The following CFAP47 variants were observed in gnomAD, a reference collection of about 807,000 sequenced individuals.
CFAP47 encodes the protein cilia and flagella associated protein 47, also known as cilia- and flagella-associated protein 47.
In CFAP47, 29 loss-of-function variants were observed where a neutral mutation model predicts 148.1. The ratio of observed to expected loss-of-function variants is 0.20; its 90% CI spans 0.15 to 0.27. The LOEUF (loss-of-function observed/expected upper bound fraction) is 0.27, where lower values mean the gene tolerates loss of function less well. Among genes scored for constraint, CFAP47 ranks in the 10% least tolerant of loss-of-function variants. CFAP47 has a pLI of 1.00. For missense variants in CFAP47, 1,872 were observed against 1,697.5 expected, an observed-to-expected ratio of 1.10 and a Z score of -1.81; for synonymous variants, 664 against 577.3, an observed-to-expected ratio of 1.15 and a Z score of -2.15.
At chrX:36,334,745 C>G in intron 57 of CFAP47, among the ~76,000 whole-genome samples, 1 of 110,934 alleles carries the variant, frequency 9.0e-6, no homozygotes, top group East Asian at 2.9e-4. Flanking sequence ...CTCACCTCAA[C>G]CCCTCCAGCC....
chrX:36,358,554 T>C (rs1429048399), intron 60 of CFAP47, among the ~76,000 whole-genome samples: 1 of 111,840 alleles, frequency 8.9e-6, no homozygotes, highest in Admixed American at 9.5e-5. Context: ...TTGGGTTCTT[T>C]TATTTAGTAT....
chrX:36,326,137 A>G (rs1196809776), intron 57 of CFAP47, among the ~76,000 whole-genome samples: 3 of 111,437 alleles, frequency 2.7e-5, no homozygotes, highest in Non-Finnish European at 5.7e-5. Flanking sequence ...TATTCTATTC[A>G]TCTATCCTTG....
At chrX:36,175,988 G>A (rs1048384208) in intron 39 of CFAP47, among the ~76,000 whole-genome samples, 27 of 112,528 alleles carry the variant, frequency 2.4e-4, no homozygotes, top group Non-Finnish European at 3.8e-4. Context: ...CCAGGTGCGG[G>A]ATATAATCTC....
At chrX:36,173,823 G>A (rs937392685) in intron 39 of CFAP47, among the ~76,000 whole-genome samples, 2 of 111,622 alleles carry the variant, frequency 1.8e-5, no homozygotes, top group Non-Finnish European at 3.8e-5. Context: ...GGTCCACTTG[G>A]TGCAGAGCTG....
At chrX:36,227,715 G>A (rs1555991734) in intron 45 of CFAP47, among the ~76,000 whole-genome samples, 1 of 112,131 alleles carries the variant, frequency 8.9e-6, no homozygotes, top group African/African-American at 3.2e-5. Context: ...TGGTTTCAGA[G>A]AACTTCCTTG....
chrX:36,005,123 T>G (rs1936966530), intron 21 of CFAP47, among the ~76,000 whole-genome samples: 1 of 111,346 alleles, frequency 9.0e-6, no homozygotes, highest in South Asian at 3.7e-4. Context: ...AAGTTTTGTC[T>G]GTTTTGATAT....
intron 33 of CFAP47, among the ~76,000 whole-genome samples, chrX:36,124,310 T>A (rs1207307174): frequency 9.0e-6 from 1 of 111,545 alleles, no homozygotes; most frequent in East Asian, 2.8e-4. Flanking sequence ...CCAAGTCTTC[T>A]GGCTCTGAGT....
At position 36,014,886 on chromosome X, in the gene CFAP47, T is replaced by C. The variant is rs1937079839; in HGVS notation, c.3530T>C (p.Ile1177Thr). 3.4e-6 allele frequency: 1 copy of C among 293,559 alleles called. No individual in the cohort carries two copies. The highest frequency in any genetic ancestry group is 5.9e-6 in the Non-Finnish European group (1 of 168,402). 24.2% of individuals were successfully genotyped at this position (293,559 alleles called of 1,213,427 possible). Residue 1177 changes from isoleucine (I) to threonine (T), a missense_variant, in exon 22 of 64, where the codon ATC becomes ACC. By Grantham distance (89) the Ile-to-Thr change is moderately conservative (BLOSUM62 -1). Coordinates refer to ENST00000378653, the MANE Select transcript of CFAP47 (RefSeq NM_001304548.2). Reference protein sequence around the residue: ...SPSNPKTVPLIRPCYVQATAL... With the variant: ...SPSNPKTVPLTRPCYVQATAL... Reference sequence around the variant, plus strand: ...TCGAATCCAAAAACAGTACCACTTATCCGACCATGTTACGTTCAAGCTACT... The same window carrying C: ...TCGAATCCAAAAACAGTACCACTTACCCGACCATGTTACGTTCAAGCTACT...
intron 50 of CFAP47, among the ~76,000 whole-genome samples, chrX:36,281,199 G>A (rs1941075660): frequency 8.9e-6 from 1 of 111,979 alleles, no homozygotes; most frequent in African/African-American, 3.2e-5. Flanking sequence ...GGGATGCAAG[G>A]CCTTAGTAAA....
chrX:35,954,410 G>A (rs1401353941), intron 7 of CFAP47, among the ~76,000 whole-genome samples: 1 of 111,215 alleles, frequency 9.0e-6, no homozygotes, highest in East Asian at 2.8e-4. Context: ...TGCAAATCGA[G>A]TGTGTCAGTA....
Position 36,053,108 on chromosome X carries a change from A to G in CFAP47, c.4217+6045A>G, listed in dbSNP as rs749412310. Among the ~76,000 whole-genome samples, 10 of 111,894 alleles carry G rather than the reference A, an allele frequency of 8.9e-5. No individual in the cohort carries two copies. In the South Asian group the frequency reaches 3.7e-3, roughly 42 times the overall value. On this transcript the variant is annotated intron_variant, in intron 26 of 63. Transcript: ENST00000378653. ...GCCTTTTTGGGATATTTGATATTGG[A>G]TATTTAAAATAAGTATGTAGATATA...
At chrX:35,926,208 T>C (rs1221222105) in intron 2 of CFAP47, 40 bp downstream of exon 2, 2 of 1,050,722 alleles carry the variant, frequency 1.9e-6, no homozygotes, top group East Asian at 3.1e-5. Context: ...TTTTGAATAC[T>C]CTTTAAATAA....
At chrX:36,109,078 G>A (rs953241571) in intron 33 of CFAP47, among the ~76,000 whole-genome samples, 1 of 111,138 alleles carries the variant, frequency 9.0e-6, no homozygotes, top group Non-Finnish European at 1.9e-5. Context: ...AGTTTGCTAA[G>A]GTTAATGGCC....
rs200890203 is a variant in CFAP47, at chrX:35,956,223, A to G, written c.1410+27A>G. Reference sequence around the variant, plus strand: ...TAAGATAATTTTTCTTTGCGTTTACATGGCAGCTAACATTTTAAGGTGTGC... The same window carrying G: ...TAAGATAATTTTTCTTTGCGTTTACGTGGCAGCTAACATTTTAAGGTGTGC... On this transcript the variant is annotated intron_variant, in intron 8 of 63. Transcript: ENST00000378653. 36 of 1,075,913 alleles carry G rather than the reference A, an allele frequency of 3.3e-5. No individual in the cohort carries two copies. The African/African-American group carries it at 4.6e-4, about 14-fold the overall frequency. 88.7% of individuals were successfully genotyped at this position (1,075,913 alleles called of 1,213,427 possible).
chrX:36,366,893 G>C (rs1432083313), intron 61 of CFAP47, 73 bp from the exon 62 acceptor site: 1 of 643,346 alleles, frequency 1.6e-6, no homozygotes, highest in African/African-American at 2.3e-5. Flanking sequence ...TTTTACCTTA[G>C]TTTAGTTTGC....
intron 55 of CFAP47, among the ~76,000 whole-genome samples, chrX:36,308,277 G>A (rs1556009235): frequency 9.0e-6 from 1 of 111,577 alleles, no homozygotes; most frequent in Non-Finnish European, 1.9e-5. Context: ...GTTAATTTCA[G>A]TCACTCTGAG....
chrX:35,943,147 A>G (rs918834638), intron 3 of CFAP47, among the ~76,000 whole-genome samples: 8 of 111,918 alleles, frequency 7.1e-5, no homozygotes, highest in African/African-American at 2.6e-4. Context: ...ATCTACAAGC[A>G]AAATATATAC....
rs1428451619 is a variant in CFAP47 at position 36,144,562 on chromosome X, T to G, written c.5536-657T>G. The G allele has an allele frequency of 3.0e-6, 3 of 998,185 alleles. No homozygotes were observed. In the African/African-American group the frequency reaches 8.8e-5, roughly 29 times the overall value. The allele number at this position is 998,185 out of a possible 1,213,427, so 82.3% of individuals were successfully genotyped here. A position where few individuals can be genotyped will look rare whatever the true frequency, so the allele number is the denominator to read the frequency against. On this transcript the variant is annotated intron_variant, in intron 35 of 63. Transcript: ENST00000378653. The stretch of plus-strand genomic sequence containing the variant: ...TGACTGGCAACGTTTTGTTTCTAGG[T>G]GTGTCTGAGGGTGTTTCCAAAGGAG...
At position 35,967,674 on chromosome X, in the gene CFAP47, A is replaced by C. The variant is rs146826747; in HGVS notation, c.1656A>C (p.Ala552=). The C allele has an allele frequency of 5.1e-4, 619 of 1,208,022 alleles. 5 individuals are homozygous for C. In the East Asian group the frequency reaches 0.016, roughly 30 times the overall value. ...GAAAGTTTGTGGTCAAAGACTTGGC[A>C]AAACGCAAGAATTATGCACCTGTAG... is the stretch of plus-strand genomic sequence containing the variant. ...PTGKFVVKDL[A]KRKNYAPVAM... Residue 552 remains alanine (A), a synonymous_variant, in exon 10 of 64, where the codon GCA becomes GCC. Transcript: ENST00000378653.
Sources: gnomAD v4.1 joint callset for allele counts (sites outside exome capture counted in the v4.1 genomes callset) on GRCh38, gnomAD v4.1.1 for gene constraint, MANE v1.5 for transcripts, NCBI Gene and HGNC (gene_info 2026-07-23, HGNC 2026-07-21) for gene names.